Variants in FMNL2 observed in about 807,000 individuals in gnomAD.
FMNL2 encodes formin like 2, also known as formin-like protein 2.
A neutral mutation model predicts 130.2 loss-of-function variants in FMNL2; 51 were observed. The ratio of observed to expected loss-of-function variants is 0.39; its 90% CI spans 0.31 to 0.49. FMNL2 has a LOEUF of 0.49. FMNL2 is among the 20% of genes least tolerant of loss of function. FMNL2 has a pLI of 0.85. For synonymous variants in FMNL2, 465 were observed against 467.1 expected (o/e 1.00, Z 0.06); for missense variants, 977 against 1,316.2 (o/e 0.74, Z 3.99).
At position 152,626,728 on chromosome 2, in the gene FMNL2, G is replaced by T. The variant is rs1409888299; in HGVS notation, c.2165+1G>T. The T allele has an allele frequency of 6.2e-7, 1 of 1,602,814 alleles. No homozygotes were observed. The highest frequency in any genetic ancestry group is 8.5e-7 in the Non-Finnish European group (1 of 1,174,682). ...ATGAAATATGTAAAGCTATTCATGT[G>T]TAAGTTCAGGAAAATTATATTCTAG... On this transcript the variant is annotated splice_donor_variant, in intron 17 of 25. Transcript: ENST00000288670. LOFTEE classifies it high-confidence loss of function.
chr2:152,449,709 C>T (rs531357265), intron 1 of FMNL2, among the ~76,000 whole-genome samples: 2 of 152,148 alleles, frequency 1.3e-5, no homozygotes, highest in Admixed American at 6.5e-5. Context: ...GTAAGAGTTA[C>T]GGCTTTTTAG....
rs761342049 is a variant in FMNL2, at chr2:152,637,554, A to C, written c.2845-19A>C. 14 of 1,610,060 alleles carry C rather than the reference A, an allele frequency of 8.7e-6. No individual in the cohort carries two copies. The South Asian group carries it at 1.5e-4, about 18-fold the overall frequency. On this transcript the variant is annotated intron_variant, in intron 22 of 25. Coordinates refer to ENST00000288670, the MANE Select transcript of FMNL2 (RefSeq NM_052905.4). ...AATGCCTAACTAATGAAACTCAAGA[A>C]AAATTTGCTTCTTCACAGGATGCCT...
intron 1 of FMNL2, among the ~76,000 whole-genome samples, chr2:152,362,912 T>TA (rs1655492160): frequency 6.6e-6 from 1 of 152,166 alleles, no homozygotes; most frequent in African/African-American, 2.4e-5. Context: ...CAAACTACGC[T>TA]ATGTCAAAGA....
At chr2:152,584,355 C>G (rs375024651) in intron 9 of FMNL2, among the ~76,000 whole-genome samples, 3 of 152,112 alleles carry the variant, frequency 2.0e-5, no homozygotes, top group Non-Finnish European at 2.9e-5. Context: ...TCTTTGCCTT[C>G]GAGAAGATTG....
At chr2:152,402,492 T>C (rs1303871848) in intron 1 of FMNL2, among the ~76,000 whole-genome samples, 3 of 152,082 alleles carry the variant, frequency 2.0e-5, no homozygotes, top group South Asian at 2.1e-4. Context: ...CAGGAGCAAA[T>C]TGAGACCTCA....
intron 23 of FMNL2, among the ~76,000 whole-genome samples, chr2:152,639,386 C>T (rs7563675): frequency 0.031 from 4,738 of 152,212 alleles, 136 homozygotes; most frequent in African/African-American, 0.076. Flanking sequence ...TCGGGGAGGC[C>T]GGCTTCAAAA....
intron 1 of FMNL2, among the ~76,000 whole-genome samples, chr2:152,482,002 G>A (rs116493338): frequency 7.9e-5 from 12 of 152,220 alleles, no homozygotes; most frequent in African/African-American, 2.4e-4. Context: ...ACTTTCCTCC[G>A]TCATGGAGAG....
chr2:152,351,979 A>C (rs16830964), intron 1 of FMNL2, among the ~76,000 whole-genome samples: 13,897 of 152,248 alleles, frequency 0.091, 740 homozygotes, highest in African/African-American at 0.15. Flanking sequence ...AGCAATTCTT[A>C]TGCGTGTTAA....
At chr2:152,516,123 G>A (rs764820121) in intron 1 of FMNL2, among the ~76,000 whole-genome samples, 1 of 152,012 alleles carries the variant, frequency 6.6e-6, no homozygotes, top group Non-Finnish European at 1.5e-5. Flanking sequence ...TTTTTGTAGC[G>A]ACAAGTAATG....
intron 1 of FMNL2, among the ~76,000 whole-genome samples, chr2:152,505,728 C>T (rs1195196313): frequency 6.6e-6 from 1 of 152,172 alleles, no homozygotes; most frequent in Admixed American, 6.5e-5. Context: ...CGGCTCCAGC[C>T]GTGTCTTCGA....
intron 2 of FMNL2, among the ~76,000 whole-genome samples, chr2:152,534,490 C>A (rs772812174): frequency 6.0e-5 from 9 of 151,222 alleles, no homozygotes; most frequent in Non-Finnish European, 1.2e-4. Flanking sequence ...TAAAAAAATT[C>A]TTGAGTAATT....
At chr2:152,623,274 A>C (rs1681493042) in intron 15 of FMNL2, among the ~76,000 whole-genome samples, 1 of 152,206 alleles carries the variant, frequency 6.6e-6, no homozygotes, top group Non-Finnish European at 1.5e-5. Flanking sequence ...CCAGATCCCT[A>C]ACATTGCCGA....
chr2:152,474,411 G>C (rs913595342), intron 1 of FMNL2, among the ~76,000 whole-genome samples: 8 of 152,236 alleles, frequency 5.3e-5, no homozygotes, highest in African/African-American at 1.9e-4. Context: ...AGAGCTGGGT[G>C]CAGTGGCTCA....
At chr2:152,572,347 T>A (rs1236725157) in intron 6 of FMNL2, among the ~76,000 whole-genome samples, 6 of 152,102 alleles carry the variant, frequency 3.9e-5, no homozygotes, top group Non-Finnish European at 7.4e-5. Flanking sequence ...AAAAAAGAGA[T>A]TTGGTTTGAT....
At chr2:152,542,681 G>A (rs1484690941) in intron 2 of FMNL2, 58 bp from the exon 3 acceptor site, 16 of 1,562,456 alleles carry the variant, frequency 1.0e-5, no homozygotes, top group Non-Finnish European at 1.4e-5. Context: ...AATCTGATGT[G>A]GCTGACTGTG....
At chr2:152,514,522 G>A (rs1468701051) in intron 1 of FMNL2, among the ~76,000 whole-genome samples, 2 of 151,952 alleles carry the variant, frequency 1.3e-5, no homozygotes, top group African/African-American at 4.8e-5. Flanking sequence ...ACTTACTTTT[G>A]TACTATTTTA....
intron 1 of FMNL2, among the ~76,000 whole-genome samples, chr2:152,415,207 T>G (rs937463612): frequency 6.6e-6 from 1 of 151,822 alleles, no homozygotes; most frequent in African/African-American, 2.4e-5. Flanking sequence ...ATTGATCATG[T>G]TAATGTGAAC....
At chr2:152,379,048 T>C (rs1250657933) in intron 1 of FMNL2, among the ~76,000 whole-genome samples, 1 of 150,010 alleles carries the variant, frequency 6.7e-6, no homozygotes, top group African/African-American at 2.5e-5. Flanking sequence ...GCCAGGTATC[T>C]TTCTGATGAC....
intron 1 of FMNL2, among the ~76,000 whole-genome samples, chr2:152,474,595 A>G (rs897843238): frequency 6.6e-6 from 1 of 152,172 alleles, no homozygotes; most frequent in Non-Finnish European, 1.5e-5. Flanking sequence ...CTGAGGCATG[A>G]GAATTGCTTG....
Sources: allele counts gnomAD v4.1 joint callset (sites outside exome capture counted in the v4.1 genomes callset), GRCh38; gene constraint gnomAD v4.1.1; transcripts MANE v1.5; gene names NCBI Gene and HGNC (gene_info 2026-07-23, HGNC 2026-07-21).